The following TNIK variants were observed in gnomAD, a reference collection of about 807,000 sequenced individuals.
TNIK encodes the protein TRAF2 and NCK-interacting protein kinase.
TNIK carries 49 observed loss-of-function variants against 191.3 expected under a neutral mutation model. The observed-to-expected ratio is 0.26, with a 90% CI of 0.20 to 0.32. The LOEUF (loss-of-function observed/expected upper bound fraction) is 0.32. Among genes scored for constraint, TNIK ranks in the 10% least tolerant of loss-of-function variants. The pLI is 1.00. For synonymous variants in TNIK, 594 were observed against 600.9 expected, an observed-to-expected ratio of 0.99 and a Z score of 0.17; for missense variants, 1,155 against 1,702.3, an observed-to-expected ratio of 0.68 and a Z score of 5.66.
At chr3:171,191,936 G>A (rs371484057) in intron 5 of TNIK, among the ~76,000 whole-genome samples, 9 of 152,100 alleles carry the variant, frequency 5.9e-5, no homozygotes, top group African/African-American at 2.2e-4. Flanking sequence ...TCAATGTATC[G>A]GGTCCCCGAG....
At chr3:171,303,295 A>G (rs947410571) in intron 2 of TNIK, among the ~76,000 whole-genome samples, 1 of 152,190 alleles carries the variant, frequency 6.6e-6, no homozygotes, top group South Asian at 2.1e-4. Context: ...CTGAATATTC[A>G]TTTCCATCCT....
chr3:171,275,836 G>T (rs1749669632), intron 2 of TNIK, among the ~76,000 whole-genome samples: 3 of 152,062 alleles, frequency 2.0e-5, no homozygotes, highest in Admixed American at 2.0e-4. Context: ...GGCGGAGCTT[G>T]CAGTGAGCCG....
At chr3:171,458,382 G>A (rs929728976) in intron 1 of TNIK, among the ~76,000 whole-genome samples, 1 of 152,148 alleles carries the variant, frequency 6.6e-6, no homozygotes, top group African/African-American at 2.4e-5. Flanking sequence ...CCACTCCAGG[G>A]AAATAGACAG....
chr3:171,412,545 G>A (rs1271064960), intron 1 of TNIK, among the ~76,000 whole-genome samples: 1 of 152,112 alleles, frequency 6.6e-6, no homozygotes. Context: ...TGAGTACTGC[G>A]ACTATCAGCA....
chr3:171,090,627 G>A (rs919619869), intron 23 of TNIK, among the ~76,000 whole-genome samples: 31 of 152,062 alleles, frequency 2.0e-4, no homozygotes, highest in African/African-American at 7.2e-4. Flanking sequence ...ATTGAGAACA[G>A]GGACCTTCTT....
At chr3:171,205,568 C>T (rs1194632821) in intron 4 of TNIK, among the ~76,000 whole-genome samples, 1 of 152,154 alleles carries the variant, frequency 6.6e-6, no homozygotes, top group Non-Finnish European at 1.5e-5. Context: ...ACTTGCAGAT[C>T]CCCCCTTCAT....
intron 28 of TNIK, among the ~76,000 whole-genome samples, chr3:171,073,240 A>G (rs138667308): frequency 1.3e-5 from 2 of 152,282 alleles, no homozygotes; most frequent in East Asian, 3.9e-4. Flanking sequence ...CCCAGAAATA[A>G]AGCCACATAC....
intron 31 of TNIK, 84 bp from the exon 32 acceptor site, chr3:171,066,410 A>C: frequency 6.3e-7 from 1 of 1,582,436 alleles, no homozygotes; most frequent in Non-Finnish European, 8.6e-7. Flanking sequence ...TAACCACAAA[A>C]ATGACAAACG....
intron 4 of TNIK, among the ~76,000 whole-genome samples, chr3:171,198,527 G>A (rs1490897323): frequency 6.6e-6 from 1 of 152,050 alleles, no homozygotes; most frequent in Non-Finnish European, 1.5e-5. Flanking sequence ...TTCTAAAGTA[G>A]TTAAAATTTA....
chr3:171,348,939 G>A lies in TNIK; in HGVS notation c.123+20681C>T, dbSNP rs11924258. Among the ~76,000 whole-genome samples the A allele has an allele frequency of 4.1e-3, 628 of 151,540 alleles. 5 individuals are homozygous for A. Among genetic ancestry groups the A allele is most frequent in the African/African-American group, 0.014 (588 of 41,340 alleles). ...TGAGTTTCTCATTTACGGTAGCAAC[G>A]AATTTTCTTTTTGAAAAATTTAAGT... On this transcript the variant is annotated intron_variant, in intron 2 of 32. Transcript: ENST00000436636.
At chr3:171,300,305 T>C (rs909140437) in intron 2 of TNIK, among the ~76,000 whole-genome samples, 1 of 152,218 alleles carries the variant, frequency 6.6e-6, no homozygotes, top group Non-Finnish European at 1.5e-5. Context: ...GGTCATGCCC[T>C]ATGGGGCCAG....
intron 9 of TNIK, among the ~76,000 whole-genome samples, chr3:171,167,835 A>G (rs987297531): frequency 3.3e-5 from 5 of 152,242 alleles, no homozygotes; most frequent in Admixed American, 6.5e-5. Context: ...CAAGATTTTT[A>G]TATGATGAAG....
At chr3:171,395,669 T>C (rs982922614) in intron 1 of TNIK, among the ~76,000 whole-genome samples, 1 of 152,184 alleles carries the variant, frequency 6.6e-6, no homozygotes, top group Non-Finnish European at 1.5e-5. Flanking sequence ...TTAACCAGGT[T>C]TTTTAGATTA....
chr3:171,100,440 C>T (rs1723304772), intron 22 of TNIK, among the ~76,000 whole-genome samples: 1 of 152,018 alleles, frequency 6.6e-6, no homozygotes. Flanking sequence ...TTAGACTGGC[C>T]AGCCCTGCCT....
At chr3:171,146,893 CAAAAAAAAAAAA>C (rs34998782) in intron 12 of TNIK, among the ~76,000 whole-genome samples, 1 of 54,902 alleles carries the variant, frequency 1.8e-5, no homozygotes, top group Non-Finnish European at 4.4e-5. Context: ...GACTTCATCT[CAAAAAAAAAAAA>C]AAAAAAAAGT....
At chr3:171,119,672 A>G (rs1242712226) in intron 18 of TNIK, among the ~76,000 whole-genome samples, 5 of 151,192 alleles carry the variant, frequency 3.3e-5, no homozygotes, top group African/African-American at 1.2e-4. Flanking sequence ...GGAAACCATC[A>G]TTCTCAGCAA....
chr3:171,164,207 A>G (rs747265254), intron 10 of TNIK, among the ~76,000 whole-genome samples: 4 of 152,218 alleles, frequency 2.6e-5, no homozygotes, highest in Non-Finnish European at 4.4e-5. Context: ...CAAACACATT[A>G]AAAATGATCT....
chr3:171,448,522 C>T (rs1490699351), intron 1 of TNIK, among the ~76,000 whole-genome samples: 2 of 149,840 alleles, frequency 1.3e-5, no homozygotes, highest in Non-Finnish European at 3.0e-5. Flanking sequence ...GGTTGATGGA[C>T]ACTTGGGTTG....
intron 2 of TNIK, among the ~76,000 whole-genome samples, chr3:171,231,429 C>T (rs1743630557): frequency 6.6e-6 from 1 of 151,808 alleles, no homozygotes; most frequent in Admixed American, 6.6e-5. Context: ...AACAGCAGTT[C>T]TCAGTGGGTC....
Sources: allele counts gnomAD v4.1 joint callset (sites outside exome capture counted in the v4.1 genomes callset), GRCh38; gene constraint gnomAD v4.1.1; transcripts MANE v1.5; gene names NCBI Gene and HGNC (gene_info 2026-07-23, HGNC 2026-07-21).